The following CCDC73 variants were observed in gnomAD, a reference collection of about 807,000 sequenced individuals.
CCDC73 encodes coiled-coil domain containing 73, also known as coiled-coil domain-containing protein 73.
In CCDC73, 95 loss-of-function variants were observed where a neutral mutation model predicts 116.5. The observed-to-expected ratio is 0.82, with a 90% CI of 0.69 to 0.97. The LOEUF is 0.97. Among genes scored for constraint, CCDC73 ranks in the 50% least tolerant of loss-of-function variants. The pLI, the probability that CCDC73 is intolerant of heterozygous loss-of-function variation, is 0.00. For synonymous variants in CCDC73, 398 were observed against 401.3 expected (o/e 0.99, Z 0.10); for missense variants, 1,066 against 1,206.8 (o/e 0.88, Z 1.73).
intron 2 of CCDC73, among the ~76,000 whole-genome samples, chr11:32,745,309 G>T (rs1456012207): frequency 6.6e-6 from 1 of 151,940 alleles, no homozygotes; most frequent in Non-Finnish European, 1.5e-5. Context: ...TTTGCTGAGG[G>T]TGTTTTACTT....
intron 3 of CCDC73, among the ~76,000 whole-genome samples, chr11:32,715,498 G>A (rs575821486): frequency 0.014 from 2,056 of 148,550 alleles, 56 homozygotes; most frequent in African/African-American, 0.048. Flanking sequence ...TGATACACAC[G>A]CACACACACA....
intron 9 of CCDC73, among the ~76,000 whole-genome samples, chr11:32,662,314 GTTC>G (rs1170209611): frequency 3.3e-5 from 5 of 152,186 alleles, no homozygotes; most frequent in Non-Finnish European, 7.3e-5. Flanking sequence ...GTGTAAAAGT[GTTC>G]TTATTTCTCC....
intron 1 of CCDC73, among the ~76,000 whole-genome samples, chr11:32,789,551 G>A (rs139126395): frequency 0.011 from 1,626 of 152,120 alleles, 28 homozygotes; most frequent in African/African-American, 0.037. Context: ...CAGGAGGATC[G>A]CTTGAGGCCA....
intron 6 of CCDC73, among the ~76,000 whole-genome samples, chr11:32,694,953 G>A (rs1276746481): frequency 6.6e-6 from 1 of 152,220 alleles, no homozygotes; most frequent in Non-Finnish European, 1.5e-5. Flanking sequence ...CCAAGGCTGG[G>A]AAGATGCAAC....
intron 1 of CCDC73, among the ~76,000 whole-genome samples, chr11:32,784,454 T>G (rs1038411092): frequency 4.6e-5 from 7 of 152,188 alleles, no homozygotes; most frequent in African/African-American, 1.4e-4. Context: ...ACTCTGCTGA[T>G]ATAATAAAAA....
rs183601612 is a variant in CCDC73, at chr11:32,627,222, C to A, written c.1185+8474G>T. ...CAACCAAAAGACACATGAAAAAATT[C>A]TCATCATCACTGGCCATCAGAGAAA... is the stretch of plus-strand genomic sequence containing the variant. On this transcript the variant is annotated intron_variant, in intron 14 of 17. Coordinates refer to ENST00000335185, the MANE Select transcript of CCDC73 (RefSeq NM_001008391.4). 2.7e-3 allele frequency among the ~76,000 whole-genome samples: 405 copies of A among 152,310 alleles called. 1 individual carries two copies. The highest frequency in any genetic ancestry group is 7.2e-3 in the South Asian group (35 of 4,828).
At chr11:32,626,900 G>T (rs1590552809) in intron 14 of CCDC73, among the ~76,000 whole-genome samples, 1 of 152,310 alleles carries the variant, frequency 6.6e-6, no homozygotes, top group Non-Finnish European at 1.5e-5. Context: ...ATACCATTCA[G>T]GACATAGGCA....
At chr11:32,681,996 G>GA (rs1428182090) in intron 7 of CCDC73, 45 of 151,758 alleles carry the variant, frequency 3.0e-4, no homozygotes, top group Admixed American at 2.5e-3. Context: ...TAAACTGTCA[G>GA]AAAAAATATT....
chr11:32,665,201 C>T (rs1053284729), intron 9 of CCDC73, among the ~76,000 whole-genome samples: 1 of 152,120 alleles, frequency 6.6e-6, no homozygotes, highest in Non-Finnish European at 1.5e-5. Context: ...GAGTTCAATT[C>T]CTGGATATCC....
intron 17 of CCDC73, among the ~76,000 whole-genome samples, chr11:32,607,079 AATTTTTTTTTTTTTT>A (rs1373798348): frequency 3.4e-5 from 4 of 119,204 alleles, no homozygotes; most frequent in African/African-American, 1.4e-4. Context: ...GCCAAAAATA[AATTTTTTTTTTTTTT>A]TTTTTTTTTT....
At chr11:32,677,115 G>C (rs764974074) in intron 7 of CCDC73, among the ~76,000 whole-genome samples, 6 of 152,040 alleles carry the variant, frequency 3.9e-5, no homozygotes, top group African/African-American at 1.2e-4. Flanking sequence ...TCTATGATGA[G>C]CAGTTCTAAA....
chr11:32,671,619 T>C (rs1856038895), intron 9 of CCDC73, among the ~76,000 whole-genome samples: 1 of 152,130 alleles, frequency 6.6e-6, no homozygotes, highest in Non-Finnish European at 1.5e-5. Context: ...CAAAGCTACA[T>C]AAGACACATA....
intron 11 of CCDC73, 32 bp downstream of exon 11, chr11:32,653,946 T>C (rs367791112): frequency 5.7e-5 from 90 of 1,582,184 alleles, no homozygotes; most frequent in Non-Finnish European, 7.4e-5. Flanking sequence ...TTAGAATATT[T>C]ACTGGCTTCC....
intron 1 of CCDC73, among the ~76,000 whole-genome samples, chr11:32,761,709 GGT>G (rs1850393624): frequency 1.3e-5 from 2 of 151,976 alleles, no homozygotes; most frequent in East Asian, 3.9e-4. Flanking sequence ...TATATGGGGG[GGT>G]GTATGTATAT....
chr11:32,615,056 G>A (rs1377633179), intron 15 of CCDC73, 114 bp from the exon 16 acceptor site: 8 of 602,328 alleles, frequency 1.3e-5, no homozygotes, highest in South Asian at 5.8e-5. Flanking sequence ...TATTTTATGG[G>A]TCAATAATTA....
chr11:32,813,214 T>C, the CCDC73 span, among the ~76,000 whole-genome samples: 1 of 152,250 alleles, frequency 6.6e-6, no homozygotes, highest in South Asian at 2.1e-4. Context: ...ATATTTTTCA[T>C]TGAGGATGTG....
At chr11:32,630,493 G>A (rs1229111801) in intron 14 of CCDC73, among the ~76,000 whole-genome samples, 2 of 152,066 alleles carry the variant, frequency 1.3e-5, no homozygotes, top group Non-Finnish European at 2.9e-5. Flanking sequence ...ACAGGCGCAC[G>A]TCACCACATC....
chr11:32,602,754 A>G lies in CCDC73; in HGVS notation c.*57T>C. 7.9e-7 allele frequency: 1 copy of G among 1,270,620 alleles called. No individual in the cohort carries two copies. Among genetic ancestry groups the G allele is most frequent in the East Asian group, 2.5e-5 (1 of 39,776 alleles). The allele number at this position is 1,270,620 out of a possible 1,614,324, so 78.7% of individuals were successfully genotyped here. A position where few individuals can be genotyped will look rare whatever the true frequency, so the allele number is the denominator to read the frequency against. On this transcript the variant is annotated 3_prime_UTR_variant, in exon 18 of 18. Coordinates refer to ENST00000335185, the MANE Select transcript of CCDC73 (RefSeq NM_001008391.4). ...AATACAACAGTCATTTTATTCTAGT[A>G]AAAACTATACCAGAATTTCAGTTAC...
At chr11:32,639,321 G>A (rs1565063745) in intron 13 of CCDC73, among the ~76,000 whole-genome samples, 1 of 152,134 alleles carries the variant, frequency 6.6e-6, no homozygotes, top group Non-Finnish European at 1.5e-5. Flanking sequence ...TAATTCCATA[G>A]TTATCTGTCC....
Sources: gnomAD v4.1 joint callset for allele counts (sites outside exome capture counted in the v4.1 genomes callset) on GRCh38, gnomAD v4.1.1 for gene constraint, MANE v1.5 for transcripts, NCBI Gene and HGNC (gene_info 2026-07-23, HGNC 2026-07-21) for gene names.